Variants in ARHGAP15 observed in about 807,000 individuals in gnomAD.
ARHGAP15 encodes Rho GTPase activating protein 15, also known as rho GTPase-activating protein 15.
In ARHGAP15, 51 loss-of-function variants were observed where a neutral mutation model predicts 63.7. The observed-to-expected ratio is 0.80, with a 90% confidence interval of 0.64 to 1.01. ARHGAP15 has a LOEUF of 1.01. ARHGAP15 is among the 50% of genes least tolerant of loss of function. The pLI is 0.00. For missense variants in ARHGAP15, 560 were observed against 564.6 expected (o/e 0.99, Z 0.08); for synonymous variants, 191 against 193.8 (o/e 0.99, Z 0.12).
chr2:143,302,790 A>T (rs1333721064), intron 6 of ARHGAP15, among the ~76,000 whole-genome samples: 1 of 152,074 alleles, frequency 6.6e-6, no homozygotes, highest in Non-Finnish European at 1.5e-5. Flanking sequence ...AAAAGACTCA[A>T]TTGAATAAAT....
At chr2:143,356,178 G>A (rs1685802815) in intron 6 of ARHGAP15, among the ~76,000 whole-genome samples, 2 of 152,078 alleles carry the variant, frequency 1.3e-5, no homozygotes, top group Admixed American at 6.6e-5. Context: ...CATGTACCTG[G>A]GGAATGCCTC....
At chr2:143,139,768 C>T (rs1045713365) in intron 1 of ARHGAP15, among the ~76,000 whole-genome samples, 6 of 152,096 alleles carry the variant, frequency 3.9e-5, no homozygotes, top group South Asian at 4.2e-4. Context: ...AATTTTAGTA[C>T]GGAACTTTTT....
intron 2 of ARHGAP15, among the ~76,000 whole-genome samples, chr2:143,184,414 A>G (rs188395409): frequency 5.3e-5 from 8 of 152,252 alleles, no homozygotes; most frequent in African/African-American, 1.7e-4. Flanking sequence ...CCACATTTCC[A>G]TCTATATCTT....
chr2:143,398,576 T>C (rs1687868599), intron 6 of ARHGAP15, among the ~76,000 whole-genome samples: 1 of 152,050 alleles, frequency 6.6e-6, no homozygotes, highest in African/African-American at 2.4e-5. Context: ...TGCCGAATGA[T>C]CCTGAATTTT....
intron 6 of ARHGAP15, among the ~76,000 whole-genome samples, chr2:143,337,185 G>C (rs1268662973): frequency 6.6e-6 from 1 of 152,154 alleles, no homozygotes. Flanking sequence ...GTGTGCAAAA[G>C]TGCTGTGAAG....
At chr2:143,353,773 T>C (rs1182074036) in intron 6 of ARHGAP15, among the ~76,000 whole-genome samples, 1 of 152,180 alleles carries the variant, frequency 6.6e-6, no homozygotes, top group Non-Finnish European at 1.5e-5. Flanking sequence ...GAAACTGTTT[T>C]AGAATGTGCC....
chr2:143,442,924 C>T (rs1001761328), intron 8 of ARHGAP15, among the ~76,000 whole-genome samples: 3 of 152,116 alleles, frequency 2.0e-5, no homozygotes, highest in African/African-American at 4.8e-5. Flanking sequence ...ATATAAGTTA[C>T]ATTAAGACCT....
chr2:143,714,572 A>T (rs1684725567), intron 13 of ARHGAP15, among the ~76,000 whole-genome samples: 1 of 152,392 alleles, frequency 6.6e-6, no homozygotes, highest in Middle Eastern at 3.4e-3. Flanking sequence ...ATCAGGCTGC[A>T]AATTTTCTGA....
At chr2:143,448,182 AT>A (rs1435035467) in intron 8 of ARHGAP15, among the ~76,000 whole-genome samples, 4 of 152,138 alleles carry the variant, frequency 2.6e-5, no homozygotes, top group African/African-American at 9.7e-5. Context: ...AGCACAATAG[AT>A]TGGTGAGGCT....
At chr2:143,202,238 A>G in intron 3 of ARHGAP15, 36 bp downstream of exon 3, 1 of 1,535,466 alleles carries the variant, frequency 6.5e-7, no homozygotes, top group Non-Finnish European at 9.0e-7. Flanking sequence ...TCATCTACTG[A>G]TACAAAATAA....
chr2:143,697,439 A>G (rs949010429), intron 12 of ARHGAP15, among the ~76,000 whole-genome samples: 2 of 152,202 alleles, frequency 1.3e-5, no homozygotes, highest in African/African-American at 4.8e-5. Context: ...AATAAGATGT[A>G]TAATTTTTCT....
At chr2:143,371,049 A>C (rs28590702) in intron 6 of ARHGAP15, among the ~76,000 whole-genome samples, 1 of 151,862 alleles carries the variant, frequency 6.6e-6, no homozygotes, top group East Asian at 1.9e-4. Context: ...GTTTTTATTT[A>C]TTGTTGTTTG....
chr2:143,679,819 C>G (rs546069835), intron 12 of ARHGAP15, among the ~76,000 whole-genome samples: 1 of 152,014 alleles, frequency 6.6e-6, no homozygotes, highest in African/African-American at 2.4e-5. Flanking sequence ...TTACCAGAAT[C>G]TATTATTCAT....
chr2:143,673,758 G>GTATATATATA lies in ARHGAP15; in HGVS notation c.1139-29644_1139-29635dup, dbSNP rs70982879. Among the ~76,000 whole-genome samples, 190 of 22,120 alleles carry GTATATATATA rather than the reference G, an allele frequency of 8.6e-3. 17 individuals carry two copies. The highest frequency in any genetic ancestry group is 0.01 in the African/African-American group (127 of 12,312). The allele number at this position is 22,120 out of a possible 152,430, so 14.5% of individuals were successfully genotyped here. ...TGTGTGTGTGTGTGTGTGTGTGTGTGTATATATATATATATATATATATAT... is the reference window on the plus strand; with the variant it reads ...TGTGTGTGTGTGTGTGTGTGTGTGTGTATATATATATATATATATATATATATATATATAT... On this transcript the variant is annotated intron_variant, in intron 12 of 13. Transcript: ENST00000295095.
At chr2:143,646,280 G>T (rs1308472261) in intron 12 of ARHGAP15, among the ~76,000 whole-genome samples, 1 of 151,980 alleles carries the variant, frequency 6.6e-6, no homozygotes, top group Non-Finnish European at 1.5e-5. Flanking sequence ...TCATATGAAA[G>T]AAGAAGGTGG....
intron 2 of ARHGAP15, among the ~76,000 whole-genome samples, chr2:143,187,921 A>G (rs1691512075): frequency 6.6e-6 from 1 of 152,324 alleles, no homozygotes; most frequent in East Asian, 1.9e-4. Flanking sequence ...TGTTTATTAA[A>G]GTTATACATG....
At chr2:143,179,979 T>C (rs354677) in intron 2 of ARHGAP15, among the ~76,000 whole-genome samples, 97,212 of 151,630 alleles carry the variant, frequency 0.64, 31,481 homozygotes, top group Non-Finnish European at 0.68. Context: ...AGTCATATCC[T>C]TTTTGCTGGT....
intron 3 of ARHGAP15, among the ~76,000 whole-genome samples, chr2:143,205,600 C>G (rs1692301256): frequency 6.6e-6 from 1 of 152,010 alleles, no homozygotes; most frequent in African/African-American, 2.4e-5. Flanking sequence ...TGCTTGTAAC[C>G]TTTCTCTCCT....
In ARHGAP15 at chr2:143,282,126, A is replaced by T. The variant is rs1047087474; in HGVS notation, c.474+31526A>T. 2.6e-5 allele frequency among the ~76,000 whole-genome samples: 4 copies of T among 152,024 alleles called. No homozygotes were observed. In the East Asian group the frequency reaches 7.7e-4, roughly 29 times the overall value. ...ATAAATTTGTAAATATCAGAATCAT[A>T]TTGTTTATGATATATGTAAAGTTTT... is the stretch of plus-strand genomic sequence containing the variant. On this transcript the variant is annotated intron_variant, in intron 6 of 13. Coordinates refer to ENST00000295095, the MANE Select transcript of ARHGAP15 (RefSeq NM_018460.4).
Sources: gnomAD v4.1 joint callset for allele counts (sites outside exome capture counted in the v4.1 genomes callset) on GRCh38, gnomAD v4.1.1 for gene constraint, MANE v1.5 for transcripts, NCBI Gene and HGNC (gene_info 2026-07-23, HGNC 2026-07-21) for gene names.